RASSF5: variants seen among roughly 807,000 people sequenced by gnomAD.
The protein encoded by RASSF5 is ras association domain-containing protein 5.
A neutral mutation model predicts 40.5 loss-of-function variants in RASSF5; 25 were observed. That is an observed-to-expected ratio of 0.62 (90% confidence interval 0.45 to 0.86). The LOEUF is 0.86. Ranked by LOEUF, RASSF5 falls within the 40% of genes least tolerant of loss-of-function variation. The probability of loss-of-function intolerance (pLI) is 0.00; values close to 1 mark genes in which losing one functional copy is unlikely to be tolerated. For missense variants in RASSF5, 521 were observed against 572.8 expected, an observed-to-expected ratio of 0.91 and a Z score of 0.92; for synonymous variants, 246 against 252.4, an observed-to-expected ratio of 0.97 and a Z score of 0.24.
chr1:206,568,028 C>T (rs1668331486), intron 2 of RASSF5, among the ~76,000 whole-genome samples: 1 of 152,158 alleles, frequency 6.6e-6, no homozygotes, highest in African/African-American at 2.4e-5. Flanking sequence ...GTAGCTCTTT[C>T]CAGAACTCTC....
chr1:206,539,501 C>T lies in RASSF5; in HGVS notation c.579+1208C>T, dbSNP rs141298632. On this transcript the variant is annotated intron_variant, in intron 2 of 5. Coordinates refer to ENST00000579436, the MANE Select transcript of RASSF5 (RefSeq NM_182663.4). ...TACCAGCCTCCCAGCTGTTCCCTCACGCCTTTCTCTCTCCCTGGAAAAAGA... is the reference window on the plus strand; with the variant it reads ...TACCAGCCTCCCAGCTGTTCCCTCATGCCTTTCTCTCTCCCTGGAAAAAGA... 4.8e-3 allele frequency among the ~76,000 whole-genome samples: 737 copies of T among 152,322 alleles called. 3 individuals are homozygous for T. Among genetic ancestry groups the T allele is most frequent in the African/African-American group, 0.017 (688 of 41,562 alleles).
chr1:206,586,883 G>A lies in RASSF5; in HGVS notation c.1162G>A (p.Glu388Lys), dbSNP rs782502649. The A allele has an allele frequency of 1.2e-5, 19 of 1,614,108 alleles. No individual in the cohort carries two copies. The highest frequency in any genetic ancestry group is 9.9e-5 in the South Asian group (9 of 91,062). ...QNFLTILEKEEQDKIQQVQKK... is the reference protein window; with the variant it reads ...QNFLTILEKEKQDKIQQVQKK... ...CTTCCTAACAATCCTGGAAAAAGAG[G>A]AGCAGGACAAAATCCAACAAGTGCA... Residue 388 changes from glutamate (E) to lysine (K), a missense_variant, in exon 6 of 6, where the codon GAG (glutamate) becomes AAG (lysine). By Grantham distance (56) the Glu-to-Lys change is moderately conservative. Transcript: ENST00000579436.
At chr1:206,523,646 ATATT>A (rs1666983228) in intron 1 of RASSF5, among the ~76,000 whole-genome samples, 1 of 101,144 alleles carries the variant, frequency 9.9e-6, no homozygotes, top group Non-Finnish European at 1.8e-5. Context: ...TATATATAAT[ATATT>A]TATATAAAAT....
At chr1:206,583,113 C>T in intron 2 of RASSF5, 156 bp from the exon 3 acceptor site, 1 of 576,452 alleles carries the variant, frequency 1.7e-6, no homozygotes, top group Non-Finnish European at 3.2e-6. Context: ...GCAATTTGAC[C>T]TCTCATTGTC....
intron 1 of RASSF5, among the ~76,000 whole-genome samples, chr1:206,525,476 A>G (rs967440279): frequency 1.2e-4 from 19 of 152,190 alleles, no homozygotes; most frequent in Non-Finnish European, 2.6e-4. Context: ...TGGACCGATC[A>G]TAGCTCATTA....
At chr1:206,508,126 C>T in intron 1 of RASSF5, 67 bp downstream of exon 1, 1 of 1,222,586 alleles carries the variant, frequency 8.2e-7, no homozygotes, top group South Asian at 2.0e-5. Context: ...ACTGGGAGGG[C>T]CCTGGGGCAG....
At chr1:206,576,578 G>T (rs1240484401) in intron 2 of RASSF5, among the ~76,000 whole-genome samples, 2 of 152,202 alleles carry the variant, frequency 1.3e-5, no homozygotes, top group Non-Finnish European at 2.9e-5. Context: ...GAGAAAGAGA[G>T]ACCAGGACAA....
At chr1:206,568,394 G>A (rs575701788) in intron 2 of RASSF5, among the ~76,000 whole-genome samples, 5 of 152,330 alleles carry the variant, frequency 3.3e-5, no homozygotes, top group African/African-American at 7.2e-5. Context: ...TGCAGGTGGA[G>A]GGAAGCCAGG....
intron 1 of RASSF5, among the ~76,000 whole-genome samples, chr1:206,508,306 T>G (rs896237095): frequency 2.0e-5 from 3 of 150,246 alleles, no homozygotes; most frequent in Non-Finnish European, 4.4e-5. Flanking sequence ...TCCTGACAGG[T>G]GCGTGCCTTG....
At chr1:206,574,853 C>CTTTTTTTTTTTT (rs71570015) in intron 2 of RASSF5, among the ~76,000 whole-genome samples, 1 of 86,072 alleles carries the variant, frequency 1.2e-5, no homozygotes, top group Non-Finnish European at 2.2e-5. Context: ...GGACCAATGA[C>CTTTTTTTTTTTT]TTTTTTTTTT....
rs550756745 is a variant in RASSF5, at chr1:206,529,548, T to C, written c.458-8624T>C. 1.4e-5 allele frequency: 13 copies of C among 950,396 alleles called. No homozygotes were observed. The Admixed American group carries it at 2.0e-4, about 15-fold the overall frequency. 58.9% of individuals were successfully genotyped at this position (950,396 alleles called of 1,614,324 possible). ...GGTTAACTCAGAAGACAAGGGCGCT[T>C]TGGCTAAGCTGGTGGAAGCTATCAG... is the stretch of plus-strand genomic sequence containing the variant. On this transcript the variant is annotated intron_variant, in intron 1 of 5. Transcript: ENST00000579436.
rs911373520 is a variant in RASSF5 at position 206,588,022 on chromosome 1, G to A, written c.*1044G>A. On this transcript the variant is annotated 3_prime_UTR_variant, in exon 6 of 6. Coordinates refer to ENST00000579436, the MANE Select transcript of RASSF5 (RefSeq NM_182663.4). The stretch of plus-strand genomic sequence containing the variant: ...GGAGTTGCCTTGATTACAGAGAGGG[G>A]AGCCTCCAATTCGGCCAACTTGGAG... 11 of 152,852 alleles carry A rather than the reference G, an allele frequency of 7.2e-5. No homozygotes were observed. Among genetic ancestry groups the A allele is most frequent in the African/African-American group, 1.4e-4 (6 of 41,480 alleles). 9.5% of individuals were successfully genotyped at this position (152,852 alleles called of 1,614,324 possible).
intron 1 of RASSF5, among the ~76,000 whole-genome samples, chr1:206,526,434 G>C (rs549838877): frequency 1.1e-4 from 17 of 152,164 alleles, no homozygotes; most frequent in Non-Finnish European, 2.1e-4. Context: ...TCTCAAGAGG[G>C]CTGAGCTTTG....
intron 2 of RASSF5, among the ~76,000 whole-genome samples, chr1:206,581,798 G>A (rs1262945405): frequency 6.6e-6 from 1 of 152,164 alleles, no homozygotes; most frequent in Non-Finnish European, 1.5e-5. Context: ...AAAGTGGAAG[G>A]AAGTGATGGC....
At chr1:206,529,560 G>A in intron 1 of RASSF5, 3 of 866,342 alleles carry the variant, frequency 3.5e-6, no homozygotes, top group Admixed American at 1.7e-5. Context: ...GGCTAAGCTG[G>A]TGGAAGCTAT....
intron 2 of RASSF5, among the ~76,000 whole-genome samples, chr1:206,576,970 A>G (rs149460071): frequency 0.016 from 1,730 of 111,294 alleles, 39 homozygotes; most frequent in African/African-American, 0.056. Flanking sequence ...TGCCCAGCTA[A>G]TTTTTGTATT....
intron 1 of RASSF5, among the ~76,000 whole-genome samples, chr1:206,518,969 T>C (rs1383839740): frequency 6.6e-6 from 1 of 151,386 alleles, no homozygotes; most frequent in Non-Finnish European, 1.5e-5. Context: ...CTGGGAGCAG[T>C]GATGTTTCCC....
At chr1:206,529,650 C>A in intron 1 of RASSF5, 1 of 761,340 alleles carries the variant, frequency 1.3e-6, no homozygotes, top group Admixed American at 1.7e-5. Flanking sequence ...GTCTGTGGCT[C>A]ACATCGCCAA....
At chr1:206,573,366 G>A (rs1338436246) in intron 2 of RASSF5, among the ~76,000 whole-genome samples, 1 of 152,192 alleles carries the variant, frequency 6.6e-6, no homozygotes, top group Non-Finnish European at 1.5e-5. Flanking sequence ...TGAGTAATAG[G>A]AGTCAGAAGC....
Sources: gnomAD v4.1 joint callset for allele counts (sites outside exome capture counted in the v4.1 genomes callset) on GRCh38, gnomAD v4.1.1 for gene constraint, MANE v1.5 for transcripts, NCBI Gene and HGNC (gene_info 2026-07-23, HGNC 2026-07-21) for gene names.